The following GRID2IP variants were observed in gnomAD, a reference collection of about 807,000 sequenced individuals.
The protein encoded by GRID2IP is Grid2 interacting protein, also known as delphilin.
A neutral mutation model predicts 114.3 loss-of-function variants in GRID2IP; 78 were observed. That is an observed-to-expected ratio of 0.68 (90% CI 0.57 to 0.82). The LOEUF (loss-of-function observed/expected upper bound fraction) is 0.82. Ranked by LOEUF, GRID2IP falls within the 40% of genes least tolerant of loss-of-function variation. The pLI is 0.00. For missense variants in GRID2IP, 1,727 were observed against 1,678.5 expected (o/e 1.03, Z -0.51); for synonymous variants, 809 against 724.0 (o/e 1.12, Z -1.89).
rs1786639866 is a variant in GRID2IP at position 6,507,861 on chromosome 7, C to G, written c.2544+124G>C. 3 of 1,421,114 alleles carry G rather than the reference C, an allele frequency of 2.1e-6. No individual in the cohort carries two copies. Among genetic ancestry groups the G allele is most frequent in the Non-Finnish European group, 2.8e-6 (3 of 1,072,638 alleles). 88.0% of individuals were successfully genotyped at this position (1,421,114 alleles called of 1,614,324 possible). A position where few individuals can be genotyped will look rare whatever the true frequency, so the allele number is the denominator to read the frequency against. ...GACGTTCTTGGGCTGGGCCTCTACTCATCCTCTGCTTGGGGTAGGGAGGAT... is the reference window on the plus strand; with the variant it reads ...GACGTTCTTGGGCTGGGCCTCTACTGATCCTCTGCTTGGGGTAGGGAGGAT... On this transcript the variant is annotated intron_variant, in intron 13 of 21. Transcript: ENST00000457091. This position sits in a 1 kb window ranked among gnomAD's most constrained non-coding sequence, Gnocchi z 5.3.
chr7:6,529,941 TTC>T (rs200826855), intron 2 of GRID2IP, among the ~76,000 whole-genome samples: 11 of 142,348 alleles, frequency 7.7e-5, no homozygotes, highest in South Asian at 2.3e-4. Context: ...CCACCCAGCT[TTC>T]TCTCTCTCTC....
chr7:6,536,697 G>A lies in GRID2IP; in HGVS notation c.584+3021C>T. 4.5e-6 allele frequency: 3 copies of A among 668,734 alleles called. 1 individual carries two copies. The South Asian group carries it at 4.5e-5, about 10-fold the overall frequency. 41.4% of individuals were successfully genotyped at this position (668,734 alleles called of 1,614,324 possible). ...GTGGGGAGGGGCGGGACGGGGGGCT[G>A]CCTGTCAATCAGCTCCCCAGGAAGC... On this transcript the variant is annotated intron_variant, in intron 2 of 21. Transcript: ENST00000457091. The surrounding 1 kb of genome is among the most constrained non-coding windows in gnomAD (Gnocchi z 5.3).
At chr7:6,512,231 C>CTTTTTTTTTTTTT (rs1002835555) in intron 8 of GRID2IP, among the ~76,000 whole-genome samples, 17,008 of 89,332 alleles carry the variant, frequency 0.19, 3,187 homozygotes, top group Non-Finnish European at 0.28. Flanking sequence ...TTCTTTTCTT[C>CTTTTTTTTTTTTT]TTTTTTTTTT....
rs1056993195 is a variant in GRID2IP at position 6,509,118 on chromosome 7, G to A, written c.1967C>T (p.Pro656Leu). The change falls in exon 12 of 22, where the codon CCG (proline) becomes CTG (leucine). Residue 656 changes from proline (P) to leucine (L), a missense_variant. Transcript: ENST00000457091. The surrounding 1 kb of genome is among the most constrained non-coding windows in gnomAD (Gnocchi z 4.9). ...GCGGCTGGGCGGGCGGGTGGGGTCC[G>A]GGCTTGGGGGGCTGTCGGGGCAGAT... Reference protein sequence around the residue: ...GPICPDSPPSPDPTRPPSRRK... With the variant: ...GPICPDSPPSLDPTRPPSRRK... 118 of 1,475,696 alleles carry A rather than the reference G, an allele frequency of 8.0e-5. No individual in the cohort carries two copies. The highest frequency in any genetic ancestry group is 1.5e-4 in the South Asian group (11 of 74,558). The allele number at this position is 1,475,696 out of a possible 1,614,324, so 91.4% of individuals were successfully genotyped here. A position where few individuals can be genotyped will look rare whatever the true frequency, so the allele number is the denominator to read the frequency against.
rs950751099 is a variant in GRID2IP, at chr7:6,516,553, C to T, written c.1269-2024G>A. ...TAACGCCAGTGCCTGGGAAGGCACC[C>T]GTTGCTTAGCAGACCGGGAAAGGGA... On this transcript the variant is annotated intron_variant, in intron 7 of 21. Transcript: ENST00000457091. The surrounding 1 kb of genome is among the most constrained non-coding windows in gnomAD (Gnocchi z 4.3). Among the ~76,000 whole-genome samples, 3 of 151,992 alleles carry T rather than the reference C, an allele frequency of 2.0e-5. No individual in the cohort carries two copies. Among genetic ancestry groups the T allele is most frequent in the Admixed American group, 2.0e-4 (3 of 15,254 alleles).
intron 1 of GRID2IP, among the ~76,000 whole-genome samples, chr7:6,542,545 C>A (rs1176431588): frequency 1.3e-5 from 2 of 152,030 alleles, no homozygotes; most frequent in Non-Finnish European, 2.9e-5. Context: ...GTAGTCTCAG[C>A]TACTTGTGAG....
intron 1 of GRID2IP, among the ~76,000 whole-genome samples, chr7:6,543,613 A>G (rs1393310197): frequency 2.7e-5 from 4 of 150,900 alleles, no homozygotes; most frequent in African/African-American, 9.7e-5. Flanking sequence ...ATTCATCATC[A>G]TCTTTTTTTT....
chr7:6,505,997 G>T, intron 13 of GRID2IP, 90 bp from the exon 14 acceptor site: 1 of 816,410 alleles, frequency 1.2e-6, no homozygotes, highest in Non-Finnish European at 2.0e-6. Flanking sequence ...CTGCCATAGG[G>T]GCTTCCCGAG....
In GRID2IP at chr7:6,503,023, G is replaced by A. The variant is rs1053226012; in HGVS notation, c.3048C>T (p.Leu1016=). Residue 1016 remains leucine, a synonymous_variant, in exon 17 of 22, where the codon CTC becomes CTT. Transcript: ENST00000457091. ...ASLELKNSRK[L]AKILEFVLAM... The stretch of plus-strand genomic sequence containing the variant: ...GCCCACTGACCTCCAGGATCTTGGC[G>A]AGCTTCCGACTGTTTTTGAGCTCCA... The A allele has an allele frequency of 3.9e-6, 6 of 1,551,518 alleles. No individual in the cohort carries two copies. The highest frequency in any genetic ancestry group is 5.2e-6 in the Non-Finnish European group (6 of 1,146,976).
chr7:6,544,714 G>C (rs1322903631), intron 1 of GRID2IP, among the ~76,000 whole-genome samples: 1 of 152,140 alleles, frequency 6.6e-6, no homozygotes, highest in African/African-American at 2.4e-5. Context: ...GCTTTGGGAG[G>C]ACAAGGCGGG....
At chr7:6,543,510 G>T (rs974101478) in intron 1 of GRID2IP, among the ~76,000 whole-genome samples, 3 of 151,984 alleles carry the variant, frequency 2.0e-5, no homozygotes, top group African/African-American at 7.2e-5. Context: ...TCAGCTTTCA[G>T]CTCAAAGATC....
chr7:6,513,947 C>CAAAAAA (rs35124535), intron 8 of GRID2IP, among the ~76,000 whole-genome samples: 2 of 47,534 alleles, frequency 4.2e-5, no homozygotes, highest in African/African-American at 9.8e-5. Flanking sequence ...GACTCCGTCT[C>CAAAAAA]AAAAAAAAAA....
In GRID2IP at chr7:6,520,859, G is replaced by A; in HGVS notation, c.1085-98C>T. 8.6e-7 allele frequency: 1 copy of A among 1,165,758 alleles called. No homozygotes were observed. Among genetic ancestry groups the A allele is most frequent in the Non-Finnish European group, 1.2e-6 (1 of 830,478 alleles). 72.2% of individuals were successfully genotyped at this position (1,165,758 alleles called of 1,614,324 possible). A position where few individuals can be genotyped will look rare whatever the true frequency, so the allele number is the denominator to read the frequency against. ...TGAGGTCAGGAGACCTCCTGAGCTG[G>A]GGTGTGGCTGTCCAGTGCCATGCAT... is the stretch of plus-strand genomic sequence containing the variant. On this transcript the variant is annotated intron_variant, in intron 6 of 21. Coordinates refer to ENST00000457091, the MANE Select transcript of GRID2IP (RefSeq NM_001145118.2). This position sits in a 1 kb window ranked among gnomAD's most constrained non-coding sequence, Gnocchi z 4.6.
chr7:6,504,967 C>G, intron 14 of GRID2IP, 97 bp from the exon 15 acceptor site: 2 of 933,346 alleles, frequency 2.1e-6, no homozygotes. Flanking sequence ...CCACTATCCC[C>G]CTAAGCACGA....
chr7:6,504,917 C>T, intron 14 of GRID2IP, 47 bp from the exon 15 acceptor site: 1 of 1,499,446 alleles, frequency 6.7e-7, no homozygotes, highest in Non-Finnish European at 9.1e-7. Context: ...GCTGAGGCTG[C>T]AGTGGGAAGG....
chr7:6,531,031 C>G (rs1562522181), intron 2 of GRID2IP: 2 of 644,812 alleles, frequency 3.1e-6, no homozygotes, highest in South Asian at 1.6e-5. Flanking sequence ...AGAGGGCGCA[C>G]GGTTCCCGGA....
At position 6,534,804 on chromosome 7, in the gene GRID2IP, TC is replaced by T. The variant is rs1394247984; in HGVS notation, c.584+4913del. The stretch of plus-strand genomic sequence containing the variant: ...TTCTCACCTCACTGCAACCTCCACC[TC>T]CCGGGTTCAAGCGATTCTTCTGCTT... On this transcript the variant is annotated intron_variant, in intron 2 of 21. Coordinates refer to ENST00000457091, the MANE Select transcript of GRID2IP (RefSeq NM_001145118.2). The surrounding 1 kb of genome is among the most constrained non-coding windows in gnomAD (Gnocchi z 4.5). 1.3e-5 allele frequency among the ~76,000 whole-genome samples: 2 copies of T among 151,950 alleles called. No homozygotes were observed. The highest frequency in any genetic ancestry group is 4.8e-5 in the African/African-American group (2 of 41,360).
At chr7:6,511,487 C>A (rs1300527870) in intron 8 of GRID2IP, among the ~76,000 whole-genome samples, 1 of 152,094 alleles carries the variant, frequency 6.6e-6, no homozygotes, top group Non-Finnish European at 1.5e-5. Context: ...ATTCTCCTGC[C>A]TCAGCCTCCC....
chr7:6,540,509 A>G (rs980000157), intron 1 of GRID2IP, among the ~76,000 whole-genome samples: 2 of 150,856 alleles, frequency 1.3e-5, no homozygotes, highest in African/African-American at 4.9e-5. Context: ...TTTAATTTTT[A>G]ATTTATTGTT....
Sources: gnomAD v4.1 joint callset for allele counts (sites outside exome capture counted in the v4.1 genomes callset) on GRCh38, gnomAD v4.1.1 for gene constraint, Gnocchi (gnomAD v3.1) non-coding constraint, MANE v1.5 for transcripts, NCBI Gene and HGNC (gene_info 2026-07-23, HGNC 2026-07-21) for gene names.